Variants in ERBB4 observed in about 807,000 individuals in gnomAD.
ERBB4 encodes receptor tyrosine-protein kinase erbB-4.
ERBB4 carries 42 observed loss-of-function variants against 158.0 expected under a neutral mutation model. That is an observed-to-expected ratio of 0.27 (90% CI 0.21 to 0.34). The LOEUF is 0.34. ERBB4 is among the 10% of genes least tolerant of loss of function. The pLI is 1.00. For synonymous variants in ERBB4, 583 were observed against 558.7 expected, an observed-to-expected ratio of 1.04 and a Z score of -0.61; for missense variants, 1,333 against 1,624.1, an observed-to-expected ratio of 0.82 and a Z score of 3.08.
In ERBB4 at chr2:211,527,305, T is replaced by G. The variant is rs1003054510; in HGVS notation, c.2487+34598A>C. 2.6e-5 allele frequency among the ~76,000 whole-genome samples: 4 copies of G among 151,550 alleles called. No homozygotes were observed. The South Asian group carries it at 6.2e-4, about 24-fold the overall frequency. On this transcript the variant is annotated intron_variant, in intron 20 of 27. Coordinates refer to ENST00000342788, the MANE Select transcript of ERBB4 (RefSeq NM_005235.3). ...GAGTGGCATGACATATTTAATGTGCTGGAAAAAAACCCCAACTTTTAGCCT... is the reference window on the plus strand; with the variant it reads ...GAGTGGCATGACATATTTAATGTGCGGGAAAAAAACCCCAACTTTTAGCCT...
At chr2:212,493,017 T>G (rs776696009) in intron 1 of ERBB4, among the ~76,000 whole-genome samples, 4 of 151,504 alleles carry the variant, frequency 2.6e-5, no homozygotes, top group Non-Finnish European at 5.9e-5. Context: ...TGTCAATGTT[T>G]ATTTCTTATG....
chr2:211,975,673 G>A (rs1463220868), intron 2 of ERBB4, among the ~76,000 whole-genome samples: 3 of 152,136 alleles, frequency 2.0e-5, no homozygotes, highest in Non-Finnish European at 2.9e-5. Context: ...ATATTAGAAT[G>A]TCTTACCTGA....
At chr2:212,083,958 A>G (rs2078524819) in intron 2 of ERBB4, among the ~76,000 whole-genome samples, 1 of 150,116 alleles carries the variant, frequency 6.7e-6, no homozygotes, top group African/African-American at 2.4e-5. Context: ...CAACCTGCCT[A>G]TTCTTTGACA....
chr2:212,279,662 G>A (rs1383984468), intron 1 of ERBB4, among the ~76,000 whole-genome samples: 1 of 151,478 alleles, frequency 6.6e-6, no homozygotes. Flanking sequence ...CAAAAGACCT[G>A]TGGTATCATC....
chr2:211,388,508 A>C (rs947091743), intron 25 of ERBB4, among the ~76,000 whole-genome samples: 1 of 152,020 alleles, frequency 6.6e-6, no homozygotes, highest in Non-Finnish European at 1.5e-5. Context: ...GCAAAAGGTA[A>C]ACTCCTTAGT....
intron 16 of ERBB4, among the ~76,000 whole-genome samples, chr2:211,655,504 C>T (rs1001792293): frequency 6.6e-6 from 1 of 152,160 alleles, no homozygotes; most frequent in African/African-American, 2.4e-5. Flanking sequence ...CACAGTCACA[C>T]ATCTAAAAAT....
chr2:212,047,290 C>T (rs556316319), intron 2 of ERBB4, among the ~76,000 whole-genome samples: 86 of 152,174 alleles, frequency 5.7e-4, no homozygotes, highest in Middle Eastern at 3.4e-3. Flanking sequence ...TTAATCAAAA[C>T]AAAACTTCTA....
chr2:211,704,135 G>A lies in ERBB4; in HGVS notation c.1258C>T (p.Leu420=), dbSNP rs2106045310. The change falls in exon 11 of 28, where the codon CTG becomes TTG. Residue 420 remains leucine (L), a synonymous_variant. Transcript: ENST00000342788. ...NMTDFSVFSN[L]VTIGGRVLYS... ...AGTACTCTTCCACCAATGGTCACCA[G>A]GTTAGAAAAAACACTGAAGTCAGTC... The A allele has an allele frequency of 6.2e-7, 1 of 1,611,772 alleles. No homozygotes were observed. The highest frequency in any genetic ancestry group is 8.5e-7 in the Non-Finnish European group (1 of 1,177,938).
At chr2:211,902,258 A>G (rs183718957) in intron 3 of ERBB4, among the ~76,000 whole-genome samples, 3 of 152,278 alleles carry the variant, frequency 2.0e-5, no homozygotes, top group Non-Finnish European at 2.9e-5. Flanking sequence ...TTATTAAATT[A>G]TAACTAAATA....
intron 1 of ERBB4, among the ~76,000 whole-genome samples, chr2:212,381,638 A>G (rs1489958177): frequency 1.3e-5 from 2 of 151,354 alleles, no homozygotes; most frequent in African/African-American, 4.8e-5. Context: ...TTGCCTTATT[A>G]GATTTATTCA....
chr2:211,441,155 C>T (rs992108854), intron 20 of ERBB4, among the ~76,000 whole-genome samples: 2 of 152,096 alleles, frequency 1.3e-5, no homozygotes, highest in African/African-American at 4.8e-5. Context: ...TGACACACAT[C>T]CTTGTTTCTA....
intron 3 of ERBB4, among the ~76,000 whole-genome samples, chr2:211,812,427 G>A (rs2076779555): frequency 6.6e-6 from 1 of 152,164 alleles, no homozygotes. Flanking sequence ...TCCCAGAGGG[G>A]CACCTGCCTG....
intron 1 of ERBB4, among the ~76,000 whole-genome samples, chr2:212,137,204 C>T (rs970921087): frequency 6.6e-6 from 1 of 152,044 alleles, no homozygotes; most frequent in Non-Finnish European, 1.5e-5. Context: ...AGTTCCAGGG[C>T]ACACATGCAG....
intron 4 of ERBB4, among the ~76,000 whole-genome samples, chr2:211,776,666 G>C (rs2106287233): frequency 6.6e-6 from 1 of 152,290 alleles, no homozygotes; most frequent in South Asian, 2.1e-4. Context: ...ATATGAGAAA[G>C]AAAGAAGTAA....
At chr2:212,453,153 T>C (rs922127833) in intron 1 of ERBB4, among the ~76,000 whole-genome samples, 6 of 152,194 alleles carry the variant, frequency 3.9e-5, no homozygotes, top group Non-Finnish European at 5.9e-5. Flanking sequence ...TTTCTGACTA[T>C]AAAAATGTTA....
At chr2:211,540,116 C>T (rs1179446627) in intron 20 of ERBB4, among the ~76,000 whole-genome samples, 1 of 151,602 alleles carries the variant, frequency 6.6e-6, no homozygotes, top group Non-Finnish European at 1.5e-5. Flanking sequence ...GGCCATTTTG[C>T]TCATTATCTG....
chr2:212,382,905 T>C (rs753122307), intron 1 of ERBB4, among the ~76,000 whole-genome samples: 4 of 151,332 alleles, frequency 2.6e-5, no homozygotes, highest in Non-Finnish European at 4.4e-5. Context: ...CTTGGTATCT[T>C]ACTTACAATA....
chr2:212,247,512 T>C (rs957996749), intron 1 of ERBB4, among the ~76,000 whole-genome samples: 2 of 152,222 alleles, frequency 1.3e-5, no homozygotes, highest in Non-Finnish European at 2.9e-5. Flanking sequence ...AATATAAGTT[T>C]GTGTGGTAAA....
intron 16 of ERBB4, among the ~76,000 whole-genome samples, chr2:211,647,105 G>C (rs2070804746): frequency 6.6e-6 from 1 of 151,436 alleles, no homozygotes. Context: ...TCTTTATCCT[G>C]TAATTATTTT....
Sources: allele counts gnomAD v4.1 joint callset (sites outside exome capture counted in the v4.1 genomes callset), GRCh38; gene constraint gnomAD v4.1.1; transcripts MANE v1.5; gene names NCBI Gene and HGNC (gene_info 2026-07-23, HGNC 2026-07-21).